The following UBQLN1 variants were observed in gnomAD, a reference collection of about 807,000 sequenced individuals.
UBQLN1 encodes the protein ubiquilin-1.
A neutral mutation model predicts 65.4 loss-of-function variants in UBQLN1; 13 were observed. The observed-to-expected ratio is 0.20, with a 90% CI of 0.13 to 0.32. The LOEUF is 0.32. UBQLN1 is among the 10% of genes least tolerant of loss of function. The pLI is 1.00. For synonymous variants in UBQLN1, 267 were observed against 247.8 expected (o/e 1.08, Z -0.73); for missense variants, 561 against 724.0 (o/e 0.77, Z 2.58).
At position 83,683,006 on chromosome 9, in the gene UBQLN1, T is replaced by G. The variant is rs767464742; in HGVS notation, c.393A>C (p.Ser131=). 2 of 1,612,472 alleles carry G rather than the reference T, an allele frequency of 1.2e-6. No homozygotes were observed. The highest frequency in any genetic ancestry group is 8.5e-7 in the Non-Finnish European group (1 of 1,179,754). ...CAGATGTAGAGTTACTATTAGGAGT[T>G]GATGATGTAGTAACATTGCTTCCAG... ...NTAGSNVTTS[S]TPNSNSTSGS... Residue 131 remains serine, a synonymous_variant, in exon 3 of 11, where the codon TCA becomes TCC. Coordinates refer to ENST00000376395, the MANE Select transcript of UBQLN1 (RefSeq NM_013438.5).
Position 83,707,731 on chromosome 9 carries a change from G to A in UBQLN1, c.-52C>T. On this transcript the variant is annotated 5_prime_UTR_variant, in exon 1 of 11. Transcript: ENST00000376395. ...CTCAGGCAAGCAGGAGGGAGCAGGCGAGCAAGGAGGAGCCAGCAGACACCA... is the reference window on the plus strand; with the variant it reads ...CTCAGGCAAGCAGGAGGGAGCAGGCAAGCAAGGAGGAGCCAGCAGACACCA... 6.7e-7 allele frequency: 1 copy of A among 1,502,290 alleles called. No individual in the cohort carries two copies. Among genetic ancestry groups the A allele is most frequent in the East Asian group, 2.5e-5 (1 of 39,688 alleles). The allele number at this position is 1,502,290 out of a possible 1,614,324, so 93.1% of individuals were successfully genotyped here.
chr9:83,667,677 TAAA>T, intron 7 of UBQLN1: 1 of 985,304 alleles, frequency 1.0e-6, no homozygotes, highest in Non-Finnish European at 1.2e-6. Context: ...CATTTCATCT[TAAA>T]AAAGCATGTC....
At chr9:83,678,717 T>C (rs1362934740) in intron 4 of UBQLN1, 118 bp from the exon 5 acceptor site, 1 of 1,175,090 alleles carries the variant, frequency 8.5e-7, no homozygotes, top group African/African-American at 1.5e-5. Context: ...TGTTTTGTTT[T>C]GTTTTTTTAA....
chr9:83,672,121 AAG>A (rs1831743193), intron 6 of UBQLN1, among the ~76,000 whole-genome samples: 1 of 152,186 alleles, frequency 6.6e-6, no homozygotes, highest in South Asian at 2.1e-4. Flanking sequence ...CATAGAATTA[AAG>A]AGAGTTAGGG....
chr9:83,673,397 T>C (rs140306286), intron 6 of UBQLN1, among the ~76,000 whole-genome samples: 1 of 150,420 alleles, frequency 6.6e-6, no homozygotes, highest in African/African-American at 2.4e-5. Context: ...ACAAAGAAAT[T>C]AGCCAGGTGT....
intron 2 of UBQLN1, among the ~76,000 whole-genome samples, chr9:83,684,359 A>C (rs1015282483): frequency 6.6e-6 from 1 of 151,640 alleles, no homozygotes; most frequent in African/African-American, 2.4e-5. Flanking sequence ...TGTGCTGGGC[A>C]ATTTTTTGTA....
chr9:83,699,845 C>G (rs1409499757), intron 1 of UBQLN1, among the ~76,000 whole-genome samples: 2 of 152,180 alleles, frequency 1.3e-5, no homozygotes, highest in African/African-American at 4.8e-5. Flanking sequence ...AGCAAATGGG[C>G]ACAATAGATT....
chr9:83,688,381 A>C (rs1017283420), intron 1 of UBQLN1, among the ~76,000 whole-genome samples: 1 of 148,390 alleles, frequency 6.7e-6, no homozygotes, highest in African/African-American at 2.4e-5. Flanking sequence ...ACCTATCCAG[A>C]TTAACTATTT....
chr9:83,678,631 A>T, intron 4 of UBQLN1, 32 bp from the exon 5 acceptor site: 1 of 1,587,560 alleles, frequency 6.3e-7, no homozygotes, highest in Non-Finnish European at 8.5e-7. Context: ...AAAGAAAAAA[A>T]AAAGGCATTG....
chr9:83,697,396 C>CA (rs1564172303), intron 1 of UBQLN1, among the ~76,000 whole-genome samples: 1 of 150,664 alleles, frequency 6.6e-6, no homozygotes, highest in East Asian at 2.0e-4. Flanking sequence ...ACTAAAAATA[C>CA]AAAAAATTAG....
intron 1 of UBQLN1, among the ~76,000 whole-genome samples, chr9:83,703,811 T>C (rs1832352007): frequency 6.6e-6 from 1 of 152,186 alleles, no homozygotes; most frequent in South Asian, 2.1e-4. Context: ...ACCAAATGTA[T>C]ATAGCACTGT....
intron 9 of UBQLN1, among the ~76,000 whole-genome samples, chr9:83,664,693 A>G (rs1038594127): frequency 2.6e-5 from 4 of 152,004 alleles, no homozygotes; most frequent in African/African-American, 7.2e-5. Context: ...TTGAGCCCAG[A>G]AGTTTGAGAC....
chr9:83,694,571 C>G (rs1054994124), intron 1 of UBQLN1, among the ~76,000 whole-genome samples: 8 of 152,196 alleles, frequency 5.3e-5, no homozygotes, highest in African/African-American at 1.7e-4. Context: ...TAAAACTGTA[C>G]ACAGCCACAA....
At chr9:83,684,609 C>T (rs764352442) in intron 2 of UBQLN1, among the ~76,000 whole-genome samples, 1 of 152,058 alleles carries the variant, frequency 6.6e-6, no homozygotes, top group Admixed American at 6.5e-5. Flanking sequence ...TTCAGGAGTT[C>T]GTGACCAGCC....
rs1564157460 is a variant in UBQLN1, at chr9:83,660,830, AT to A, written c.*956del. On this transcript the variant is annotated 3_prime_UTR_variant, in exon 11 of 11. Transcript: ENST00000376395. Reference sequence around the variant, plus strand: ...ACAGATAAACCCAAAAGATAGTTCTATTTTTTTATGGCGATTAAAAATAACT... The same window carrying A: ...ACAGATAAACCCAAAAGATAGTTCTATTTTTTATGGCGATTAAAAATAACT... 2.0e-5 allele frequency: 3 copies of A among 152,584 alleles called. No individual in the cohort carries two copies. Among genetic ancestry groups the A allele is most frequent in the Admixed American group, 2.0e-4 (3 of 15,280 alleles). The allele number at this position is 152,584 out of a possible 1,614,324, so 9.5% of individuals were successfully genotyped here.
At chr9:83,680,453 A>C (rs1831921778) in intron 3 of UBQLN1, among the ~76,000 whole-genome samples, 1 of 152,162 alleles carries the variant, frequency 6.6e-6, no homozygotes, top group Non-Finnish European at 1.5e-5. Flanking sequence ...CCAGAAAGAC[A>C]AAGTGATTAA....
intron 2 of UBQLN1, among the ~76,000 whole-genome samples, chr9:83,685,305 CAG>C (rs1237281474): frequency 4.6e-5 from 7 of 152,266 alleles, no homozygotes; most frequent in Admixed American, 3.9e-4. Flanking sequence ...CTTGACAGAA[CAG>C]AGTTTGATAC....
chr9:83,675,391 T>C (rs1430099697), intron 6 of UBQLN1, among the ~76,000 whole-genome samples: 2 of 152,010 alleles, frequency 1.3e-5, no homozygotes, highest in East Asian at 1.9e-4. Context: ...TGTGTGATCA[T>C]ACTAAAGTCA....
At chr9:83,693,847 C>A (rs1357777023) in intron 1 of UBQLN1, among the ~76,000 whole-genome samples, 1 of 152,152 alleles carries the variant, frequency 6.6e-6, no homozygotes, top group East Asian at 1.9e-4. Flanking sequence ...GTTGTGTGAC[C>A]TGGAGGATGT....
Sources: gnomAD v4.1 joint callset for allele counts (sites outside exome capture counted in the v4.1 genomes callset) on GRCh38, gnomAD v4.1.1 for gene constraint, MANE v1.5 for transcripts, NCBI Gene and HGNC (gene_info 2026-07-23, HGNC 2026-07-21) for gene names.